Variants in PPM1E observed in about 807,000 individuals in gnomAD.
The protein encoded by PPM1E is protein phosphatase 1E.
In PPM1E, 20 loss-of-function variants were observed where a neutral mutation model predicts 65.9. The observed-to-expected ratio is 0.30, with a 90% CI of 0.21 to 0.44. PPM1E has a LOEUF of 0.44. Among genes scored for constraint, PPM1E ranks in the 20% least tolerant of loss-of-function variants. PPM1E has a pLI of 1.00. For missense variants in PPM1E, 713 were observed against 953.1 expected (o/e 0.75, Z 3.32); for synonymous variants, 352 against 374.9 (o/e 0.94, Z 0.70).
chr17:58,831,055 G>T (rs1199286287), intron 1 of PPM1E, among the ~76,000 whole-genome samples: 1 of 145,598 alleles, frequency 6.9e-6, no homozygotes, highest in African/African-American at 2.6e-5. Context: ...TAATCACCCA[G>T]GCTGGAGTGC....
chr17:58,772,247 A>G (rs2049946366), intron 1 of PPM1E, among the ~76,000 whole-genome samples: 1 of 152,098 alleles, frequency 6.6e-6, no homozygotes, highest in Non-Finnish European at 1.5e-5. Context: ...CACAAGGTCA[A>G]GAGATCAAGA....
At chr17:58,931,560 C>T (rs2051899574) in intron 1 of PPM1E, among the ~76,000 whole-genome samples, 6 of 151,772 alleles carry the variant, frequency 4.0e-5, no homozygotes, top group Admixed American at 2.6e-4. Context: ...ACAACCTAGT[C>T]ATGTTATTGG....
chr17:58,873,357 T>C (rs564774370), intron 1 of PPM1E, among the ~76,000 whole-genome samples: 1 of 152,028 alleles, frequency 6.6e-6, no homozygotes, highest in East Asian at 1.9e-4. Context: ...TTTAAAATGA[T>C]CTCAGTTCCC....
chr17:58,980,944 G>T lies in PPM1E; in HGVS notation c.2181G>T (p.Trp727Cys). The change falls in exon 7 of 7, where the codon TGG (tryptophan) becomes TGT (cysteine). Residue 727 changes from tryptophan (W) to cysteine (C), a missense_variant. Transcript: ENST00000308249. The surrounding 1 kb of genome is among the most constrained non-coding windows in gnomAD (Gnocchi z 4.7). ...RSSLPWRQNSWKGYSENMRKL... is the reference protein window; with the variant it reads ...RSSLPWRQNSCKGYSENMRKL... The stretch of plus-strand genomic sequence containing the variant: ...CTCTGCCATGGAGGCAAAATAGTTG[G>T]AAAGGGTACAGTGAAAACATGAGGA... 6.2e-7 allele frequency: 1 copy of T among 1,614,214 alleles called. No individual in the cohort carries two copies. The highest frequency in any genetic ancestry group is 8.5e-7 in the Non-Finnish European group (1 of 1,180,026).
At chr17:58,771,694 A>T (rs901546439) in intron 1 of PPM1E, among the ~76,000 whole-genome samples, 35 of 20,828 alleles carry the variant, frequency 1.7e-3, no homozygotes, top group African/African-American at 1.0e-2. Flanking sequence ...GTATTCTTTA[A>T]AAAAAAAATG....
intron 1 of PPM1E, among the ~76,000 whole-genome samples, chr17:58,924,367 G>A (rs1392992101): frequency 1.3e-5 from 2 of 152,094 alleles, no homozygotes; most frequent in African/African-American, 4.8e-5. Context: ...TTATTTATTT[G>A]TCTGAGTGCT....
At chr17:58,938,804 T>C (rs982763931) in intron 1 of PPM1E, among the ~76,000 whole-genome samples, 7 of 150,424 alleles carry the variant, frequency 4.7e-5, no homozygotes, top group Admixed American at 1.3e-4. Context: ...TTTTTTTTTT[T>C]TTTTGAGGAG....
At chr17:58,830,839 C>CTGGCTGGCGT (rs1260272751) in intron 1 of PPM1E, among the ~76,000 whole-genome samples, 5 of 151,702 alleles carry the variant, frequency 3.3e-5, no homozygotes, top group African/African-American at 1.2e-4. Context: ...CGTGTGCCAC[C>CTGGCTGGCGT]ATGCCTGGCT....
chr17:58,962,625 TG>T (rs1242432005), intron 2 of PPM1E, among the ~76,000 whole-genome samples: 1 of 152,220 alleles, frequency 6.6e-6, no homozygotes, highest in Non-Finnish European at 1.5e-5. Context: ...AAATAGTCTC[TG>T]GCAGCTAGTG....
intron 1 of PPM1E, among the ~76,000 whole-genome samples, chr17:58,849,767 T>C (rs1194014160): frequency 6.6e-6 from 1 of 152,112 alleles, no homozygotes; most frequent in Non-Finnish European, 1.5e-5. Context: ...GGGTGGAGAG[T>C]TCTGCAGATG....
intron 1 of PPM1E, among the ~76,000 whole-genome samples, chr17:58,778,244 C>A (rs1037258415): frequency 6.6e-6 from 1 of 151,974 alleles, no homozygotes; most frequent in Admixed American, 6.6e-5. Flanking sequence ...GAATTACAGG[C>A]GTGTGCCACC....
intron 1 of PPM1E, among the ~76,000 whole-genome samples, chr17:58,954,955 T>C (rs763508767): frequency 2.5e-4 from 38 of 150,374 alleles, no homozygotes; most frequent in Non-Finnish European, 4.7e-4. Flanking sequence ...AACTTCCCAC[T>C]ACGACATAAC....
At chr17:58,798,005 A>C (rs1442088874) in intron 1 of PPM1E, among the ~76,000 whole-genome samples, 1 of 152,124 alleles carries the variant, frequency 6.6e-6, no homozygotes, top group Non-Finnish European at 1.5e-5. Context: ...TTGTACTTTT[A>C]ATCTGCATTT....
At chr17:58,844,143 G>T (rs1182099990) in intron 1 of PPM1E, among the ~76,000 whole-genome samples, 3 of 152,006 alleles carry the variant, frequency 2.0e-5, no homozygotes, top group African/African-American at 7.2e-5. Flanking sequence ...TGTAGGTCCT[G>T]GGATATTAGA....
At chr17:58,778,192 C>A (rs2050012301) in intron 1 of PPM1E, among the ~76,000 whole-genome samples, 2 of 151,934 alleles carry the variant, frequency 1.3e-5, no homozygotes, top group African/African-American at 4.8e-5. Flanking sequence ...CTCCGCCTGG[C>A]AGGTTCAAAC....
intron 6 of PPM1E, among the ~76,000 whole-genome samples, chr17:58,975,391 C>T (rs1159931005): frequency 7.2e-5 from 11 of 152,162 alleles, no homozygotes. Flanking sequence ...GCAGCCAGCA[C>T]TGTGGAAGGC....
At chr17:58,899,245 G>A (rs2051465767) in intron 1 of PPM1E, 1 of 152,038 alleles carries the variant, frequency 6.6e-6, no homozygotes, top group African/African-American at 2.4e-5. Context: ...TGAGGTGGGA[G>A]GATTACTTGA....
intron 1 of PPM1E, among the ~76,000 whole-genome samples, chr17:58,901,137 C>T (rs1473634818): frequency 6.6e-6 from 1 of 152,148 alleles, no homozygotes; most frequent in African/African-American, 2.4e-5. Context: ...ATGTATTTTC[C>T]TGCGGTATGC....
intron 2 of PPM1E, among the ~76,000 whole-genome samples, chr17:58,961,748 G>A (rs946002875): frequency 1.3e-5 from 2 of 151,652 alleles, no homozygotes; most frequent in East Asian, 1.9e-4. Flanking sequence ...TGTGGTTATC[G>A]AGCAATTGAA....
Sources: allele counts gnomAD v4.1 joint callset (sites outside exome capture counted in the v4.1 genomes callset), GRCh38; gene constraint gnomAD v4.1.1; non-coding constraint Gnocchi (gnomAD v3.1); transcripts MANE v1.5; gene names NCBI Gene and HGNC (gene_info 2026-07-23, HGNC 2026-07-21).